The following HOXC11 variants were observed in gnomAD, a reference collection of about 807,000 sequenced individuals.
HOXC11 encodes the protein homeobox protein Hox-C11.
Under a neutral mutation model 23.6 loss-of-function variants are expected in HOXC11, and 17 were observed. That is an observed-to-expected ratio of 0.72 (90% confidence interval 0.49 to 1.08). The LOEUF (loss-of-function observed/expected upper bound fraction) is 1.08, where lower values mean the gene tolerates loss of function less well. Ranked by LOEUF, HOXC11 falls within the 50% of genes least tolerant of loss-of-function variation. The probability of loss-of-function intolerance (pLI) is 0.00; values close to 1 mark genes in which losing one functional copy is unlikely to be tolerated. For synonymous variants in HOXC11, 196 were observed against 183.8 expected (o/e 1.07, Z -0.54); for missense variants, 413 against 412.1 (o/e 1.00, Z -0.02).
rs984861461 is a variant in HOXC11, at chr12:53,973,453, G to A, written c.212G>A (p.Arg71Gln). ...YPYSAQVPPVREVSYGLEPSG... is the reference protein window; with the variant it reads ...YPYSAQVPPVQEVSYGLEPSG... ...TACTCGGCCCAAGTGCCCCCGGTCCGGGAGGTCTCCTACGGCCTGGAGCCA... is the reference window on the plus strand; with the variant it reads ...TACTCGGCCCAAGTGCCCCCGGTCCAGGAGGTCTCCTACGGCCTGGAGCCA... The change falls in exon 1 of 2, where the codon CGG (arginine) becomes CAG (glutamine). Residue 71 changes from arginine (R) to glutamine (Q), a missense_variant. Physicochemically the swap from Arg to Gln is conservative, Grantham distance 43. Transcript: ENST00000546378. The surrounding 1 kb of genome is among the most constrained non-coding windows in gnomAD (Gnocchi z 4.3). 7 of 1,613,932 alleles carry A rather than the reference G, an allele frequency of 4.3e-6. No homozygotes were observed. The highest frequency in any genetic ancestry group is 1.3e-5 in the African/African-American group (1 of 74,864).
chr12:53,974,002 A>G lies in HOXC11; in HGVS notation c.682+79A>G, dbSNP rs1203415888. 1.0e-5 allele frequency: 13 copies of G among 1,252,554 alleles called. No homozygotes were observed. The East Asian group carries it at 3.5e-4, about 34-fold the overall frequency. The allele number at this position is 1,252,554 out of a possible 1,614,324, so 77.6% of individuals were successfully genotyped here. ...GGAGGGCGAGAGAAGGGGGGAGGCA[A>G]GGGGAGCGGGGACGGCCTCGTGTTT... On this transcript the variant is annotated intron_variant, in intron 1 of 1. Transcript: ENST00000546378.
chr12:53,973,727 C>T lies in HOXC11; in HGVS notation c.486C>T (p.Gly162=), dbSNP rs762773791. 5.6e-6 allele frequency: 9 copies of T among 1,612,174 alleles called. No homozygotes were observed. In the South Asian group the frequency reaches 8.8e-5, roughly 16 times the overall value. The change falls in exon 1 of 2, where the codon GGC becomes GGT. Residue 162 remains glycine, a synonymous_variant. Transcript: ENST00000546378. The surrounding 1 kb of genome is among the most constrained non-coding windows in gnomAD (Gnocchi z 4.3). ...DRFFDNAYCG[G]GDPPAEPPCS... is the part of the protein sequence containing the mutation. ...TCTTCGACAACGCCTACTGCGGTGG[C>T]GGCGACCCGCCCGCCGAGCCCCCCT...
At chr12:53,974,976 C>A in intron 1 of HOXC11, 1 of 535,912 alleles carries the variant, frequency 1.9e-6, no homozygotes, top group Non-Finnish European at 3.2e-6. Flanking sequence ...GGCGCAGTGG[C>A]GGGGGGGTGG....
rs1416151531 is a variant in HOXC11 at position 53,975,931 on chromosome 12, C to T, written c.*518C>T. 3.7e-6 allele frequency: 1 copy of T among 272,286 alleles called. No homozygotes were observed. Among genetic ancestry groups the T allele is most frequent in the Non-Finnish European group, 6.9e-6 (1 of 145,168 alleles). 16.9% of individuals were successfully genotyped at this position (272,286 alleles called of 1,614,324 possible). A position where few individuals can be genotyped will look rare whatever the true frequency, so the allele number is the denominator to read the frequency against. On this transcript the variant is annotated 3_prime_UTR_variant, in exon 2 of 2. Transcript: ENST00000546378. ...TGCTGTGAAATTTCTGTACCTTCAA[C>T]CTGGTGTTAGGTGTGCAAAGTCCGT...
chr12:53,973,549 A>G lies in HOXC11; in HGVS notation c.308A>G (p.Glu103Gly). ...GCGGCCGACGAGCTTATGCACCGGG[A>G]GTGCCTGCCTCCTTCCACCGTCACC... ...YAAADELMHR[E>G]CLPPSTVTEI... is the part of the protein sequence containing the mutation. The change falls in exon 1 of 2, where the codon GAG becomes GGG. Residue 103 changes from glutamate (E) to glycine (G), a missense_variant. Physicochemically the swap from Glu to Gly is moderately conservative, Grantham distance 98. Transcript: ENST00000546378. This position sits in a 1 kb window ranked among gnomAD's most constrained non-coding sequence, Gnocchi z 4.3. 1.2e-6 allele frequency: 2 copies of G among 1,612,978 alleles called. No homozygotes were observed. Among genetic ancestry groups the G allele is most frequent in the South Asian group, 1.1e-5 (1 of 91,054 alleles).
Position 53,976,488 on chromosome 12 carries a change from C to A in HOXC11, c.*1075C>A, listed in dbSNP as rs1199847045. Reference sequence around the variant, plus strand: ...AAAATCCTCCATGCTCCCATGGCAGCGGCGGAGGAGGAGGAGGCAGGCAGG... The same window carrying A: ...AAAATCCTCCATGCTCCCATGGCAGAGGCGGAGGAGGAGGAGGCAGGCAGG... On this transcript the variant is annotated 3_prime_UTR_variant, in exon 2 of 2. Transcript: ENST00000546378. 1 of 176,048 alleles carries A rather than the reference C, an allele frequency of 5.7e-6. No individual in the cohort carries two copies. Among genetic ancestry groups the A allele is most frequent in the Non-Finnish European group, 1.2e-5 (1 of 81,454 alleles). The allele number at this position is 176,048 out of a possible 1,614,324, so 10.9% of individuals were successfully genotyped here. A position where few individuals can be genotyped will look rare whatever the true frequency, so the allele number is the denominator to read the frequency against.
Position 53,973,163 on chromosome 12 carries a change from C to A in HOXC11, c.-79C>A. 1 of 1,084,348 alleles carries A rather than the reference C, an allele frequency of 9.2e-7. No individual in the cohort carries two copies. Among genetic ancestry groups the A allele is most frequent in the Non-Finnish European group, 1.3e-6 (1 of 758,148 alleles). The allele number at this position is 1,084,348 out of a possible 1,614,324, so 67.2% of individuals were successfully genotyped here. On this transcript the variant is annotated 5_prime_UTR_variant, in exon 1 of 2. Transcript: ENST00000546378. The surrounding 1 kb of genome is among the most constrained non-coding windows in gnomAD (Gnocchi z 4.3). ...AGAGAGACTAAGACGGATAACGCGT[C>A]ATCTCGCCTTCCCAAATTTTCCCCC...
In HOXC11 at chr12:53,976,505, G is replaced by A; in HGVS notation, c.*1092G>A. ...CATGGCAGCGGCGGAGGAGGAGGAG[G>A]CAGGCAGGCAGAGCCCAGCGGGTGA... On this transcript the variant is annotated 3_prime_UTR_variant, in exon 2 of 2. Coordinates refer to ENST00000546378, the MANE Select transcript of HOXC11 (RefSeq NM_014212.4). The A allele has an allele frequency of 5.7e-6, 1 of 174,738 alleles. No individual in the cohort carries two copies. The highest frequency in any genetic ancestry group is 1.2e-5 in the Non-Finnish European group (1 of 80,742). 10.8% of individuals were successfully genotyped at this position (174,738 alleles called of 1,614,324 possible). A position where few individuals can be genotyped will look rare whatever the true frequency, so the allele number is the denominator to read the frequency against.
At position 53,975,723 on chromosome 12, in the gene HOXC11, T is replaced by A. The variant is rs1194964267; in HGVS notation, c.*310T>A. On this transcript the variant is annotated 3_prime_UTR_variant, in exon 2 of 2. Coordinates refer to ENST00000546378, the MANE Select transcript of HOXC11 (RefSeq NM_014212.4). The stretch of plus-strand genomic sequence containing the variant: ...AAAACACACCTCGGCGACAATGTCT[T>A]GCTGCTCGGATTAGGTGGGGGAGGG... 5 of 547,840 alleles carry A rather than the reference T, an allele frequency of 9.1e-6. No homozygotes were observed. Among genetic ancestry groups the A allele is most frequent in the Non-Finnish European group, 1.3e-5 (4 of 311,900 alleles). 33.9% of individuals were successfully genotyped at this position (547,840 alleles called of 1,614,324 possible).
At chr12:53,974,703 C>G (rs991209955) in intron 1 of HOXC11, among the ~76,000 whole-genome samples, 1 of 151,786 alleles carries the variant, frequency 6.6e-6, no homozygotes, top group Non-Finnish European at 1.5e-5. Context: ...TCTGGTGTCT[C>G]GGTGCCTGCT....
rs541247988 is a variant in HOXC11 at position 53,977,380 on chromosome 12, T to C, written c.*1967T>C. 6.6e-6 allele frequency: 1 copy of C among 152,330 alleles called. No individual in the cohort carries two copies. Among genetic ancestry groups the C allele is most frequent in the South Asian group, 2.1e-4 (1 of 4,826 alleles). 9.4% of individuals were successfully genotyped at this position (152,330 alleles called of 1,614,324 possible). On this transcript the variant is annotated 3_prime_UTR_variant, in exon 2 of 2. Transcript: ENST00000546378. The stretch of plus-strand genomic sequence containing the variant: ...TTCTGTTGGATGAAAGGAAAAAGCA[T>C]CATGACTATCAAATCTAGGTTCTGT...
rs377372195 is a variant in HOXC11 at position 53,973,229 on chromosome 12, G to T, written c.-13G>T. The T allele has an allele frequency of 2.7e-5, 42 of 1,548,920 alleles. No homozygotes were observed. Among genetic ancestry groups the T allele is most frequent in the Non-Finnish European group, 3.3e-5 (38 of 1,151,852 alleles). ...CCAAAACCTCCATCCGGAGCCGGCA[G>T]GAGAGGAGAACGATGTTTAACTCGG... On this transcript the variant is annotated 5_prime_UTR_variant, in exon 1 of 2. It adds an upstream start codon to the 5' untranslated region. Coordinates refer to ENST00000546378, the MANE Select transcript of HOXC11 (RefSeq NM_014212.4). This position sits in a 1 kb window ranked among gnomAD's most constrained non-coding sequence, Gnocchi z 4.3.
Position 53,973,155 on chromosome 12 carries a change from T to A in HOXC11, c.-87T>A. 1 of 968,566 alleles carries A rather than the reference T, an allele frequency of 1.0e-6. No individual in the cohort carries two copies. The highest frequency in any genetic ancestry group is 1.5e-6 in the Non-Finnish European group (1 of 655,940). 60.0% of individuals were successfully genotyped at this position (968,566 alleles called of 1,614,324 possible). A position where few individuals can be genotyped will look rare whatever the true frequency, so the allele number is the denominator to read the frequency against. On this transcript the variant is annotated 5_prime_UTR_variant, in exon 1 of 2. Coordinates refer to ENST00000546378, the MANE Select transcript of HOXC11 (RefSeq NM_014212.4). This position sits in a 1 kb window ranked among gnomAD's most constrained non-coding sequence, Gnocchi z 4.3. ...TCAGAGAGAGAGAGACTAAGACGGA[T>A]AACGCGTCATCTCGCCTTCCCAAAT...
chr12:53,975,458 T>C lies in HOXC11; in HGVS notation c.*45T>C. On this transcript the variant is annotated 3_prime_UTR_variant, in exon 2 of 2. Coordinates refer to ENST00000546378, the MANE Select transcript of HOXC11 (RefSeq NM_014212.4). ...TGGGGGCGGGGGGAGGGGAAAATTA[T>C]TTTATTTTATTTTTATTTTTTATTT... is the stretch of plus-strand genomic sequence containing the variant. The C allele has an allele frequency of 9.8e-7, 1 of 1,019,786 alleles. No individual in the cohort carries two copies. Among genetic ancestry groups the C allele is most frequent in the South Asian group, 1.3e-5 (1 of 74,758 alleles). 63.2% of individuals were successfully genotyped at this position (1,019,786 alleles called of 1,614,324 possible). A position where few individuals can be genotyped will look rare whatever the true frequency, so the allele number is the denominator to read the frequency against.
intron 1 of HOXC11, among the ~76,000 whole-genome samples, chr12:53,974,375 G>A (rs1169498481): frequency 6.6e-6 from 1 of 151,996 alleles, no homozygotes; most frequent in Non-Finnish European, 1.5e-5. Flanking sequence ...GATCCAGAGA[G>A]GGGGAGAGGT....
Position 53,973,593 on chromosome 12 carries a change from G to C in HOXC11, c.352G>C (p.Glu118Gln). The change falls in exon 1 of 2, where the codon GAA becomes CAA. Residue 118 changes from glutamate (E) to glutamine (Q), a missense_variant. Glu to Gln is a conservative substitution (Grantham distance 29). Coordinates refer to ENST00000546378, the MANE Select transcript of HOXC11 (RefSeq NM_014212.4). The surrounding 1 kb of genome is among the most constrained non-coding windows in gnomAD (Gnocchi z 4.3). ...CGTCACCGAGATCCTCATGAAAAAC[G>C]AAGGCTCCTACGGCGGCCACCACCA... The part of the protein sequence containing the change: ...STVTEILMKN[E>Q]GSYGGHHHPS... The C allele has an allele frequency of 1.2e-6, 2 of 1,613,166 alleles. No homozygotes were observed. The highest frequency in any genetic ancestry group is 1.1e-5 in the South Asian group (1 of 91,032).
At position 53,977,473 on chromosome 12, in the gene HOXC11, T is replaced by A. The variant is rs563074708; in HGVS notation, c.*2060T>A. Reference sequence around the variant, plus strand: ...TTCTAATTTGTAAACGTGGGTCGGGTCGTGAGACAAGATTTGCAAACTAGG... The same window carrying A: ...TTCTAATTTGTAAACGTGGGTCGGGACGTGAGACAAGATTTGCAAACTAGG... On this transcript the variant is annotated 3_prime_UTR_variant, in exon 2 of 2. Transcript: ENST00000546378. The A allele has an allele frequency of 1.2e-4, 18 of 152,214 alleles. No individual in the cohort carries two copies. Among genetic ancestry groups the A allele is most frequent in the Non-Finnish European group, 2.1e-4 (14 of 68,030 alleles). The allele number at this position is 152,214 out of a possible 1,614,324, so 9.4% of individuals were successfully genotyped here. A position where few individuals can be genotyped will look rare whatever the true frequency, so the allele number is the denominator to read the frequency against.
In HOXC11 at chr12:53,975,701, A is replaced by C; in HGVS notation, c.*288A>C. The C allele has an allele frequency of 1.8e-6, 1 of 556,118 alleles. No individual in the cohort carries two copies. Among genetic ancestry groups the C allele is most frequent in the Non-Finnish European group, 3.2e-6 (1 of 315,692 alleles). 34.4% of individuals were successfully genotyped at this position (556,118 alleles called of 1,614,324 possible). On this transcript the variant is annotated 3_prime_UTR_variant, in exon 2 of 2. Coordinates refer to ENST00000546378, the MANE Select transcript of HOXC11 (RefSeq NM_014212.4). ...GGCCAAGACTTTGATTTAAAAGAAA[A>C]CACACCTCGGCGACAATGTCTTGCT...
chr12:53,975,697 G>T lies in HOXC11; in HGVS notation c.*284G>T. On this transcript the variant is annotated 3_prime_UTR_variant, in exon 2 of 2. Coordinates refer to ENST00000546378, the MANE Select transcript of HOXC11 (RefSeq NM_014212.4). ...CCGAGGCCAAGACTTTGATTTAAAA[G>T]AAAACACACCTCGGCGACAATGTCT... The T allele has an allele frequency of 1.8e-6, 1 of 560,380 alleles. No individual in the cohort carries two copies. The highest frequency in any genetic ancestry group is 3.1e-6 in the Non-Finnish European group (1 of 318,106). 34.7% of individuals were successfully genotyped at this position (560,380 alleles called of 1,614,324 possible). A position where few individuals can be genotyped will look rare whatever the true frequency, so the allele number is the denominator to read the frequency against.
Sources: gnomAD v4.1 joint callset for allele counts (sites outside exome capture counted in the v4.1 genomes callset) on GRCh38, gnomAD v4.1.1 for gene constraint, Gnocchi (gnomAD v3.1) non-coding constraint, MANE v1.5 for transcripts, NCBI Gene and HGNC (gene_info 2026-07-23, HGNC 2026-07-21) for gene names.